The following LRFN2 variants were observed in gnomAD, a reference collection of about 807,000 sequenced individuals.
The protein encoded by LRFN2 is leucine rich repeat and fibronectin type III domain containing 2.
Under a neutral mutation model 37.3 loss-of-function variants are expected in LRFN2, and 18 were observed. The observed-to-expected ratio is 0.48, with a 90% CI of 0.33 to 0.72. The LOEUF (loss-of-function observed/expected upper bound fraction) is 0.72, where lower values mean the gene tolerates loss of function less well. Among genes scored for constraint, LRFN2 ranks in the 30% least tolerant of loss-of-function variants. The pLI is 0.02. For synonymous variants in LRFN2, 556 were observed against 466.6 expected (o/e 1.19, Z -2.47); for missense variants, 1,006 against 1,060.7 (o/e 0.95, Z 0.72).
At chr6:40,523,858 G>T (rs976619322) in intron 1 of LRFN2, 1 of 152,216 alleles carries the variant, frequency 6.6e-6, no homozygotes, top group Non-Finnish European at 1.5e-5. Context: ...GCACGAACAG[G>T]TGAGTTGACT....
intron 1 of LRFN2, among the ~76,000 whole-genome samples, chr6:40,487,544 C>T (rs926744947): frequency 6.6e-5 from 10 of 152,210 alleles, no homozygotes; most frequent in African/African-American, 2.2e-4. Context: ...CCGAAAAAGT[C>T]GGCAGATGGG....
At chr6:40,500,732 A>G (rs1035786744) in intron 1 of LRFN2, among the ~76,000 whole-genome samples, 1 of 152,238 alleles carries the variant, frequency 6.6e-6, no homozygotes, top group Non-Finnish European at 1.5e-5. Flanking sequence ...TGCTACAAGA[A>G]TATTCACCAA....
chr6:40,423,150 G>A (rs1179071914), intron 2 of LRFN2, among the ~76,000 whole-genome samples: 5 of 152,124 alleles, frequency 3.3e-5, no homozygotes, highest in African/African-American at 7.2e-5. Flanking sequence ...AACCTCCTGT[G>A]GGTTTTCAAA....
chr6:40,404,848 T>A (rs914117698), intron 2 of LRFN2, among the ~76,000 whole-genome samples: 1 of 152,200 alleles, frequency 6.6e-6, no homozygotes, highest in African/African-American at 2.4e-5. Context: ...ATCCCTCCTT[T>A]ATGACTCTTC....
rs60795667 is a variant in LRFN2 at position 40,585,761 on chromosome 6, C to T, written c.-19+1180G>A. Among the ~76,000 whole-genome samples, 493 of 152,176 alleles carry T rather than the reference C, an allele frequency of 3.2e-3. 3 individuals carry two copies. Among genetic ancestry groups the T allele is most frequent in the African/African-American group, 0.011 (446 of 41,494 alleles). ...CAGGGGGTCAAATTCCTGAAGCTTC[C>T]CCCTCCCCCAGTACTAGAAGGCCAA... On this transcript the variant is annotated intron_variant, in intron 1 of 2. Coordinates refer to ENST00000338305, the MANE Select transcript of LRFN2 (RefSeq NM_020737.3).
chr6:40,403,896 G>A (rs1762792447), intron 2 of LRFN2, among the ~76,000 whole-genome samples: 1 of 152,134 alleles, frequency 6.6e-6, no homozygotes, highest in South Asian at 2.1e-4. Flanking sequence ...CTCACCTCTT[G>A]GGTTTTGTCT....
intron 1 of LRFN2, among the ~76,000 whole-genome samples, chr6:40,530,643 A>T (rs1176177982): frequency 1.3e-5 from 2 of 151,172 alleles, no homozygotes; most frequent in African/African-American, 4.9e-5. Context: ...AGGACCCGTC[A>T]CCCCCAGCAC....
rs76741303 is a variant in LRFN2, at chr6:40,501,945, T to A, written c.-18-68814A>T. Among the ~76,000 whole-genome samples, 597 of 152,332 alleles carry A rather than the reference T, an allele frequency of 3.9e-3. 9 individuals are homozygous for A. The East Asian group carries it at 0.045, about 11-fold the overall frequency. The stretch of plus-strand genomic sequence containing the variant: ...GTGCATTTTGTCATTAGTGACTTCA[T>A]GAAGCATGTCCTGACTCCACACACC... On this transcript the variant is annotated intron_variant, in intron 1 of 2. Transcript: ENST00000338305.
rs573140508 is a variant in LRFN2, at chr6:40,427,659, T to C, written c.1400+4055A>G. ...GCATTCTTTTCCAAGGGCTCACAGC[T>C]ACCTACTGAGAAAGTCTTTCCAGAG... On this transcript the variant is annotated intron_variant, in intron 2 of 2. Transcript: ENST00000338305. 3.9e-5 allele frequency among the ~76,000 whole-genome samples: 6 copies of C among 152,354 alleles called. No individual in the cohort carries two copies. In the East Asian group the frequency reaches 9.6e-4, roughly 24 times the overall value.
At chr6:40,462,286 A>G (rs1298583584) in intron 1 of LRFN2, among the ~76,000 whole-genome samples, 2 of 152,198 alleles carry the variant, frequency 1.3e-5, no homozygotes, top group African/African-American at 4.8e-5. Context: ...AAGCCCTGGG[A>G]TAGTGGCTGG....
chr6:40,417,379 C>T (rs2113810737), intron 2 of LRFN2, among the ~76,000 whole-genome samples: 1 of 152,254 alleles, frequency 6.6e-6, no homozygotes, highest in African/African-American at 2.4e-5. Context: ...TCACTGAGCC[C>T]CTGACCAAGG....
At chr6:40,537,268 A>C (rs1405777996) in intron 1 of LRFN2, among the ~76,000 whole-genome samples, 1 of 152,224 alleles carries the variant, frequency 6.6e-6, no homozygotes, top group Non-Finnish European at 1.5e-5. Flanking sequence ...AATACTGGGA[A>C]TAGTTCCTGG....
At chr6:40,554,429 G>C (rs1335918883) in intron 1 of LRFN2, among the ~76,000 whole-genome samples, 3 of 152,212 alleles carry the variant, frequency 2.0e-5, no homozygotes, top group Non-Finnish European at 4.4e-5. Flanking sequence ...GTGGATGGAT[G>C]ATGGGTGTAG....
intron 1 of LRFN2, among the ~76,000 whole-genome samples, chr6:40,455,697 C>T (rs760317080): frequency 6.6e-6 from 1 of 152,150 alleles, no homozygotes; most frequent in Non-Finnish European, 1.5e-5. Flanking sequence ...GCCTTGAGCA[C>T]ACACATAAGA....
intron 1 of LRFN2, among the ~76,000 whole-genome samples, chr6:40,488,115 T>C (rs1002250223): frequency 2.0e-5 from 3 of 152,042 alleles, no homozygotes; most frequent in African/African-American, 7.3e-5. Context: ...AGTCACTGGA[T>C]TGGAAAATGA....
At chr6:40,583,615 G>A (rs955611539) in intron 1 of LRFN2, among the ~76,000 whole-genome samples, 1 of 152,212 alleles carries the variant, frequency 6.6e-6, no homozygotes, top group Non-Finnish European at 1.5e-5. Context: ...TTTACAAAGT[G>A]CAGTCACACA....
chr6:40,478,344 A>G (rs1208992022), intron 1 of LRFN2, among the ~76,000 whole-genome samples: 2 of 152,206 alleles, frequency 1.3e-5, no homozygotes, highest in Non-Finnish European at 2.9e-5. Flanking sequence ...AATTGCCACC[A>G]TTATCACCAC....
chr6:40,549,510 T>C (rs1216313247), intron 1 of LRFN2, among the ~76,000 whole-genome samples: 1 of 152,236 alleles, frequency 6.6e-6, no homozygotes, highest in Non-Finnish European at 1.5e-5. Flanking sequence ...CAACCTTTGG[T>C]TCAAAGTGGC....
chr6:40,505,904 T>A (rs1203217805), intron 1 of LRFN2, among the ~76,000 whole-genome samples: 1 of 151,948 alleles, frequency 6.6e-6, no homozygotes, highest in Non-Finnish European at 1.5e-5. Context: ...TGGGCAGGGG[T>A]CTGGGGCTCA....
Sources: gnomAD v4.1 joint callset for allele counts (sites outside exome capture counted in the v4.1 genomes callset) on GRCh38, gnomAD v4.1.1 for gene constraint, MANE v1.5 for transcripts, NCBI Gene and HGNC (gene_info 2026-07-23, HGNC 2026-07-21) for gene names.